Variants in TOX2 observed in about 807,000 individuals in gnomAD.
TOX2 encodes the protein granulosa cell HMG box 1.
In TOX2, 15 loss-of-function variants were observed where a neutral mutation model predicts 47.4. The observed-to-expected ratio is 0.32, with a 90% CI of 0.21 to 0.49. The LOEUF (loss-of-function observed/expected upper bound fraction) is 0.49, where lower values mean the gene tolerates loss of function less well. TOX2 is among the 20% of genes least tolerant of loss of function. The probability of loss-of-function intolerance (pLI) is 0.99; values close to 1 mark genes in which losing one functional copy is unlikely to be tolerated. For missense variants in TOX2, 622 were observed against 673.1 expected, an observed-to-expected ratio of 0.92 and a Z score of 0.84; for synonymous variants, 290 against 296.6, an observed-to-expected ratio of 0.98 and a Z score of 0.23.
intron 1 of TOX2, among the ~76,000 whole-genome samples, chr20:43,940,947 C>T (rs564842612): frequency 3.0e-4 from 46 of 152,318 alleles, no homozygotes; most frequent in African/African-American, 7.2e-4. Context: ...GACTTCATTA[C>T]CAGCTTACCT....
At chr20:43,918,956 A>G (rs545325674) in intron 1 of TOX2, among the ~76,000 whole-genome samples, 21 of 152,360 alleles carry the variant, frequency 1.4e-4, no homozygotes, top group African/African-American at 4.8e-4. Context: ...GCTACTAATT[A>G]GATAACAACA....
At chr20:43,948,471 G>A (rs950897688) in intron 1 of TOX2, among the ~76,000 whole-genome samples, 4 of 152,198 alleles carry the variant, frequency 2.6e-5, no homozygotes, top group Non-Finnish European at 4.4e-5. Context: ...TTCCTCGGCC[G>A]GCGGCATCCC....
At chr20:43,981,581 G>C (rs183958800) in intron 2 of TOX2, among the ~76,000 whole-genome samples, 1 of 152,130 alleles carries the variant, frequency 6.6e-6, no homozygotes, top group Non-Finnish European at 1.5e-5. Context: ...ACTTTTCACC[G>C]TATCTTTTTA....
chr20:43,924,766 CTG>C (rs572466035), intron 1 of TOX2, among the ~76,000 whole-genome samples: 117 of 152,298 alleles, frequency 7.7e-4, no homozygotes, highest in African/African-American at 2.7e-3. Flanking sequence ...AGTCCTGCCA[CTG>C]TTTTATTTTT....
intron 1 of TOX2, among the ~76,000 whole-genome samples, chr20:43,945,036 G>A (rs955847694): frequency 2.6e-5 from 4 of 152,214 alleles, no homozygotes; most frequent in African/African-American, 7.2e-5. Flanking sequence ...CAAGGCTTGT[G>A]GTGGGTGACC....
At chr20:44,053,471 C>T (rs202030368) in intron 4 of TOX2, among the ~76,000 whole-genome samples, 426 of 113,264 alleles carry the variant, frequency 3.8e-3, no homozygotes, top group Admixed American at 7.6e-3. Context: ...CACACACACA[C>T]ATATATATAT....
At chr20:44,066,499 G>A (rs2071824306) in intron 7 of TOX2, among the ~76,000 whole-genome samples, 1 of 152,222 alleles carries the variant, frequency 6.6e-6, no homozygotes, top group Admixed American at 6.5e-5. Flanking sequence ...GAGAAACTGA[G>A]GCCCAGAAAG....
At chr20:43,923,829 G>C (rs1402872476) in intron 1 of TOX2, among the ~76,000 whole-genome samples, 2 of 152,154 alleles carry the variant, frequency 1.3e-5, no homozygotes, top group Non-Finnish European at 2.9e-5. Flanking sequence ...GCACCTGCAG[G>C]GGACACAGGA....
At chr20:44,021,937 A>G (rs1216614794) in intron 3 of TOX2, among the ~76,000 whole-genome samples, 1 of 152,048 alleles carries the variant, frequency 6.6e-6, no homozygotes, top group Non-Finnish European at 1.5e-5. Context: ...CACCCAGCCT[A>G]ACTGACTTTG....
At chr20:44,022,409 C>T (rs1484703975) in intron 3 of TOX2, among the ~76,000 whole-genome samples, 1 of 152,158 alleles carries the variant, frequency 6.6e-6, no homozygotes, top group African/African-American at 2.4e-5. Context: ...AGCATGGGAG[C>T]CATGGCAATG....
intron 1 of TOX2, among the ~76,000 whole-genome samples, chr20:43,925,733 A>G (rs2145837235): frequency 6.6e-6 from 1 of 152,314 alleles, no homozygotes; most frequent in Non-Finnish European, 1.5e-5. Context: ...AGTTTCTAGC[A>G]GTCTCATAAC....
rs372508386 is a variant in TOX2 at position 44,006,683 on chromosome 20, C to A, written c.302C>A (p.Pro101His). Residue 101 changes from proline (P) to histidine (H), a missense_variant, in exon 3 of 9, where the codon CCC becomes CAC. Around this residue, in one of 3 missense-constraint regions of TOX2, gnomAD observed 307 missense variants for 327.3 expected, o/e 0.94. Transcript: ENST00000341197. ...CACTCGCTGTGCCACGGCCTCACCC[C>A]CAACGGTCTGCTCCCTGCCTACTCC... The part of the protein sequence containing the change: ...SYHSLCHGLT[P>H]NGLLPAYSYQ... The A allele has an allele frequency of 3.7e-6, 6 of 1,613,978 alleles. No homozygotes were observed. Among genetic ancestry groups the A allele is most frequent in the South Asian group, 1.1e-5 (1 of 91,088 alleles).
chr20:43,986,256 A>AATGTATGTATGTATGT (rs11274396), intron 2 of TOX2, among the ~76,000 whole-genome samples: 22,084 of 149,654 alleles, frequency 0.15, 2,442 homozygotes, highest in African/African-American at 0.3. Context: ...AGCCTTTTAA[A>AATGTATGTATGTATGT]ATGTATGTAT....
At chr20:43,935,500 A>G (rs746226667) in intron 1 of TOX2, among the ~76,000 whole-genome samples, 5 of 152,216 alleles carry the variant, frequency 3.3e-5, no homozygotes, top group Non-Finnish European at 7.3e-5. Flanking sequence ...GCACTGTGCT[A>G]GGTGTCTTTT....
At chr20:44,037,584 G>A (rs993423898) in intron 3 of TOX2, among the ~76,000 whole-genome samples, 7 of 152,166 alleles carry the variant, frequency 4.6e-5, no homozygotes, top group African/African-American at 1.7e-4. Context: ...ATTGTCAAAT[G>A]GGGGTGATAA....
At chr20:43,918,824 C>T (rs934132885) in intron 1 of TOX2, among the ~76,000 whole-genome samples, 5 of 151,984 alleles carry the variant, frequency 3.3e-5, no homozygotes, top group Admixed American at 2.6e-4. Context: ...TTTTTGTGGG[C>T]GGGGAAAATC....
chr20:44,050,789 T>C (rs927276534), intron 3 of TOX2, among the ~76,000 whole-genome samples: 3 of 152,134 alleles, frequency 2.0e-5, no homozygotes, highest in Non-Finnish European at 2.9e-5. Context: ...CCCTAGAATG[T>C]AGGTTTGCTC....
chr20:43,951,954 T>A (rs2069582299), intron 1 of TOX2, among the ~76,000 whole-genome samples: 1 of 151,954 alleles, frequency 6.6e-6, no homozygotes, highest in Non-Finnish European at 1.5e-5. Flanking sequence ...TGGAGTGCAG[T>A]GGTGCGATCT....
intron 2 of TOX2, among the ~76,000 whole-genome samples, chr20:43,987,693 G>A (rs1274752816): frequency 6.6e-6 from 1 of 152,072 alleles, no homozygotes; most frequent in African/African-American, 2.4e-5. Flanking sequence ...GGATGGGCGA[G>A]CCTTTTACCG....
Sources: gnomAD v4.1 joint callset for allele counts (sites outside exome capture counted in the v4.1 genomes callset) on GRCh38, gnomAD v4.1.1 for gene constraint, gnomAD v4.1.1 regional missense constraint, MANE v1.5 for transcripts, NCBI Gene and HGNC (gene_info 2026-07-23, HGNC 2026-07-21) for gene names.